TSPAN11: variants seen among roughly 807,000 people sequenced by gnomAD.
TSPAN11 encodes the protein tetraspanin 11, also known as tetraspanin-11.
A neutral mutation model predicts 32.9 loss-of-function variants in TSPAN11; 29 were observed. The observed-to-expected ratio is 0.88, with a 90% confidence interval of 0.66 to 1.20. TSPAN11 has a LOEUF of 1.20. Ranked by LOEUF, TSPAN11 falls within the 50% of genes most tolerant of loss-of-function variation. TSPAN11 has a pLI of 0.00. For missense variants in TSPAN11, 283 were observed against 329.1 expected (o/e 0.86, Z 1.08); for synonymous variants, 140 against 141.3 (o/e 0.99, Z 0.07).
chr12:30,982,394 C>T, intron 5 of TSPAN11, 138 bp from the exon 6 acceptor site: 1 of 1,280,946 alleles, frequency 7.8e-7, no homozygotes, highest in Non-Finnish European at 1.1e-6. Context: ...GAAGGGAAAA[C>T]ACATTATACA....
downstream of TSPAN11, among the ~76,000 whole-genome samples, chr12:31,001,441 A>G (rs1016967417): frequency 1.2e-4 from 19 of 152,172 alleles, no homozygotes; most frequent in Admixed American, 2.6e-4. Context: ...AATCATCAGC[A>G]TTGACCTGCA....
At chr12:30,930,816 A>G (rs1358788870) in intron 1 of TSPAN11, among the ~76,000 whole-genome samples, 1 of 152,160 alleles carries the variant, frequency 6.6e-6, no homozygotes, top group Non-Finnish European at 1.5e-5. Context: ...CAGGCCAGTC[A>G]AGCACTCCCT....
At chr12:30,980,741 G>A (rs1343390042) in intron 5 of TSPAN11, among the ~76,000 whole-genome samples, 1 of 152,094 alleles carries the variant, frequency 6.6e-6, no homozygotes, top group African/African-American at 2.4e-5. Flanking sequence ...TGAAATAGTG[G>A]CCCGGGACAC....
intron 1 of TSPAN11, among the ~76,000 whole-genome samples, chr12:30,953,723 G>A (rs1938427588): frequency 6.6e-6 from 1 of 152,238 alleles, no homozygotes; most frequent in African/African-American, 2.4e-5. Flanking sequence ...TTCTGTGGGA[G>A]ACTTGTAGGT....
chr12:30,932,305 T>A (rs1280034569), intron 1 of TSPAN11, among the ~76,000 whole-genome samples: 1 of 152,226 alleles, frequency 6.6e-6, no homozygotes, highest in East Asian at 1.9e-4. Context: ...ATTTTACTGT[T>A]CATCCTTATA....
intron 2 of TSPAN11, among the ~76,000 whole-genome samples, chr12:30,961,211 T>C (rs1938606614): frequency 6.6e-6 from 1 of 151,896 alleles, no homozygotes; most frequent in African/African-American, 2.4e-5. Flanking sequence ...TTCTGCTGAC[T>C]TAGGCAGTTT....
intron 5 of TSPAN11, 151 bp from the exon 6 acceptor site, chr12:30,982,381 T>C (rs879691159): frequency 2.4e-5 from 27 of 1,147,622 alleles, no homozygotes; most frequent in Non-Finnish European, 3.1e-5. Context: ...GCTCAAAGCA[T>C]GGGAAGGGAA....
At chr12:31,002,202 G>A in the TSPAN11 span, among the ~76,000 whole-genome samples, 290 of 152,240 alleles carry the variant, frequency 1.9e-3, 1 homozygote, top group African/African-American at 6.7e-3. This position sits in a 1 kb window ranked among gnomAD's most constrained non-coding sequence, Gnocchi z 4.8. Flanking sequence ...CAGGCTTTGG[G>A]ACATGGCGGC....
intron 2 of TSPAN11, among the ~76,000 whole-genome samples, chr12:30,963,450 G>A (rs1273286053): frequency 6.6e-6 from 1 of 152,256 alleles, no homozygotes; most frequent in Admixed American, 6.5e-5. Flanking sequence ...AGGGATAGGA[G>A]CCAGGGGTGG....
At chr12:30,939,219 C>T (rs978712386) in intron 1 of TSPAN11, among the ~76,000 whole-genome samples, 20 of 140,636 alleles carry the variant, frequency 1.4e-4, no homozygotes, top group African/African-American at 4.1e-4. Context: ...CCAGCCTGGG[C>T]GACAGAGCAA....
chr12:30,978,640 G>A lies in TSPAN11; in HGVS notation c.351+5G>A. 1.2e-6 allele frequency: 2 copies of A among 1,614,110 alleles called. No homozygotes were observed. The highest frequency in any genetic ancestry group is 1.7e-6 in the Non-Finnish European group (2 of 1,179,936). On this transcript the variant is annotated splice_donor_5th_base_variant and intron_variant, in intron 4 of 7. Coordinates refer to ENST00000546076, the MANE Select transcript of TSPAN11 (RefSeq NM_001370302.1). ...GCCCATGTGTATTACCAGAGGGTAA[G>A]TGACGTTTCCTCCTCCTGCATCCTC... is the stretch of plus-strand genomic sequence containing the variant.
At chr12:31,006,876 T>C in the TSPAN11 span, among the ~76,000 whole-genome samples, 1 of 152,242 alleles carries the variant, frequency 6.6e-6, no homozygotes, top group Non-Finnish European at 1.5e-5. Context: ...GTTTCTGCCA[T>C]AGGTATATTT....
downstream of TSPAN11, among the ~76,000 whole-genome samples, chr12:31,000,619 C>T (rs896831638): frequency 2.0e-5 from 3 of 152,220 alleles, no homozygotes; most frequent in African/African-American, 7.2e-5. Flanking sequence ...CCAGGTTCTC[C>T]AACTCCCAAA....
At chr12:31,009,298 C>T in the TSPAN11 span, among the ~76,000 whole-genome samples, 45,858 of 152,170 alleles carry the variant, frequency 0.3, 7,805 homozygotes, top group Non-Finnish European at 0.38. Flanking sequence ...CCAGGCCTGC[C>T]GACCCCCTAT....
chr12:30,990,156 G>C (rs909621161), intron 7 of TSPAN11, among the ~76,000 whole-genome samples: 1 of 151,726 alleles, frequency 6.6e-6, no homozygotes, highest in African/African-American at 2.4e-5. Context: ...GTGTGTGCAA[G>C]TGTGTGTGTG....
chr12:30,990,486 G>A (rs562939725), intron 7 of TSPAN11, among the ~76,000 whole-genome samples: 14 of 152,362 alleles, frequency 9.2e-5, no homozygotes, highest in African/African-American at 2.9e-4. Flanking sequence ...GGCCGCCTGC[G>A]TAAAGCTAGC....
rs868148821 is a variant in TSPAN11 at position 30,957,769 on chromosome 12, T to C, written c.84+3694T>C. Among the ~76,000 whole-genome samples the C allele has an allele frequency of 5.3e-3, 136 of 25,632 alleles. 29 individuals carry two copies. The highest frequency in any genetic ancestry group is 0.036 in the East Asian group (20 of 548). The allele number at this position is 25,632 out of a possible 152,430, so 16.8% of individuals were successfully genotyped here. A position where few individuals can be genotyped will look rare whatever the true frequency, so the allele number is the denominator to read the frequency against. ...CCTCCCTCCTTCCTTCCTTCCTTCC[T>C]TCCTTCCCTCCCTCCCTCCCTCCTT... On this transcript the variant is annotated intron_variant, in intron 2 of 7. Coordinates refer to ENST00000546076, the MANE Select transcript of TSPAN11 (RefSeq NM_001370302.1).
At chr12:31,002,374 T>C in the TSPAN11 span, among the ~76,000 whole-genome samples, 1 of 152,240 alleles carries the variant, frequency 6.6e-6, no homozygotes, top group South Asian at 2.1e-4. The surrounding 1 kb of genome is among the most constrained non-coding windows in gnomAD (Gnocchi z 4.8). Flanking sequence ...TATGCCTGCC[T>C]CCTCTCCGGG....
rs767747044 is a variant in TSPAN11 at position 30,991,906 on chromosome 12, T to C, written c.753T>C (p.His251=). The change falls in exon 8 of 8, where the codon CAT becomes CAC. Residue 251 remains histidine, a synonymous_variant. Coordinates refer to ENST00000546076, the MANE Select transcript of TSPAN11 (RefSeq NM_001370302.1). ...GCTTGCACCAGAGGCTCCAGCGGCA[T>C]TTTTACTAATGGCCAACCACCTCCT... ...TCCLHQRLQR[H]FY The C allele has an allele frequency of 4.3e-6, 7 of 1,614,032 alleles. No individual in the cohort carries two copies. The Middle Eastern group carries it at 6.6e-4, about 152-fold the overall frequency.
Sources: gnomAD v4.1 joint callset for allele counts (sites outside exome capture counted in the v4.1 genomes callset) on GRCh38, gnomAD v4.1.1 for gene constraint, Gnocchi (gnomAD v3.1) non-coding constraint, MANE v1.5 for transcripts, NCBI Gene and HGNC (gene_info 2026-07-23, HGNC 2026-07-21) for gene names.